LTBP2: variants seen among roughly 807,000 people sequenced by gnomAD.
LTBP2 encodes the protein latent-transforming growth factor beta-binding protein 2.
LTBP2 carries 103 observed loss-of-function variants against 210.6 expected under a neutral mutation model. That is an observed-to-expected ratio of 0.49 (90% CI 0.42 to 0.58). The LOEUF (loss-of-function observed/expected upper bound fraction) is 0.58, where lower values mean the gene tolerates loss of function less well. Ranked by LOEUF, LTBP2 falls within the 20% of genes least tolerant of loss-of-function variation. The pLI is 0.00. For synonymous variants in LTBP2, 1,007 were observed against 1,015.0 expected, an observed-to-expected ratio of 0.99 and a Z score of 0.15; for missense variants, 2,313 against 2,494.5, an observed-to-expected ratio of 0.93 and a Z score of 1.55.
At chr14:74,582,393 T>TACACAC (rs1491144261) in intron 3 of LTBP2, among the ~76,000 whole-genome samples, 5 of 87,602 alleles carry the variant, frequency 5.7e-5, no homozygotes, top group African/African-American at 2.4e-4. Context: ...CACACACACA[T>TACACAC]ACATACACAC....
At chr14:74,502,575 T>C (rs1395310502) in intron 34 of LTBP2, 78 bp downstream of exon 34, 4 of 1,595,718 alleles carry the variant, frequency 2.5e-6, no homozygotes, top group Non-Finnish European at 2.6e-6. Flanking sequence ...CTGCTGGCAA[T>C]ATGACTAGCA....
chr14:74,579,043 G>T (rs551628181), intron 3 of LTBP2, among the ~76,000 whole-genome samples: 1 of 152,206 alleles, frequency 6.6e-6, no homozygotes, highest in African/African-American at 2.4e-5. Flanking sequence ...TTTTAGTAGA[G>T]ACGGGGTTTC....
intron 3 of LTBP2, among the ~76,000 whole-genome samples, chr14:74,571,213 T>A (rs1203603291): frequency 6.6e-6 from 1 of 152,054 alleles, no homozygotes. Flanking sequence ...GCACCTGTAA[T>A]TCCCCAGTTA....
chr14:74,509,099 A>ACAAG (rs1179166303), intron 22 of LTBP2, 139 bp downstream of exon 22: 34 of 1,563,868 alleles, frequency 2.2e-5, no homozygotes, highest in South Asian at 5.6e-5. Flanking sequence ...CACAGCTGGG[A>ACAAG]CAAGCTTGTG....
At chr14:74,595,309 A>G (rs1342495430) in intron 2 of LTBP2, among the ~76,000 whole-genome samples, 1 of 152,156 alleles carries the variant, frequency 6.6e-6, no homozygotes, top group Admixed American at 6.5e-5. Context: ...AGCAGCCCCA[A>G]TCCCACCGGC....
At chr14:74,514,844 C>T (rs1353953906) in intron 18 of LTBP2, among the ~76,000 whole-genome samples, 1 of 152,036 alleles carries the variant, frequency 6.6e-6, no homozygotes, top group African/African-American at 2.4e-5. Flanking sequence ...GGGTGATGGG[C>T]CGGGCTTGTG....
chr14:74,500,756 G>A lies in LTBP2; in HGVS notation c.*128C>T, dbSNP rs1044391124. 3.1e-6 allele frequency: 4 copies of A among 1,273,648 alleles called. No homozygotes were observed. Among genetic ancestry groups the A allele is most frequent in the African/African-American group, 2.9e-5 (2 of 68,264 alleles). 78.9% of individuals were successfully genotyped at this position (1,273,648 alleles called of 1,614,324 possible). On this transcript the variant is annotated 3_prime_UTR_variant, in exon 36 of 36. Coordinates refer to ENST00000261978, the MANE Select transcript of LTBP2 (RefSeq NM_000428.3). ...AGAGGCTAAGCTGGGAGAGATGAAAGCAGGCAAGGCTGATTGGAAACCTCT... is the reference window on the plus strand; with the variant it reads ...AGAGGCTAAGCTGGGAGAGATGAAAACAGGCAAGGCTGATTGGAAACCTCT...
At chr14:74,584,279 G>A (rs913107883) in intron 3 of LTBP2, among the ~76,000 whole-genome samples, 1 of 152,138 alleles carries the variant, frequency 6.6e-6, no homozygotes, top group Non-Finnish European at 1.5e-5. Flanking sequence ...GACTTCAAAC[G>A]GCTCTGACTC....
At chr14:74,536,099 C>T (rs971892515) in intron 8 of LTBP2, 99 bp from the exon 9 acceptor site, 27 of 1,022,182 alleles carry the variant, frequency 2.6e-5, no homozygotes, top group Middle Eastern at 2.1e-4. Flanking sequence ...CCAGCCCACC[C>T]GGCAGCAGTG....
chr14:74,582,974 A>G (rs1273416924), intron 3 of LTBP2, among the ~76,000 whole-genome samples: 1 of 152,140 alleles, frequency 6.6e-6, no homozygotes, highest in South Asian at 2.1e-4. Context: ...TGAGGCAGGT[A>G]CTCTGCCCAG....
chr14:74,571,897 CT>C (rs2087983571), intron 3 of LTBP2, among the ~76,000 whole-genome samples: 1 of 151,186 alleles, frequency 6.6e-6, no homozygotes, highest in African/African-American at 2.4e-5. Flanking sequence ...GATTTTTTTT[CT>C]TTTCAAAAAG....
intron 8 of LTBP2, among the ~76,000 whole-genome samples, chr14:74,540,944 A>ATT (rs1555350227): frequency 2.1e-3 from 50 of 24,290 alleles, no homozygotes; most frequent in African/African-American, 4.2e-3. Flanking sequence ...ATATATATAT[A>ATT]TTTTTTATAT....
At chr14:74,506,876 T>A in intron 26 of LTBP2, 53 bp from the exon 27 acceptor site, 1 of 1,334,508 alleles carries the variant, frequency 7.5e-7, no homozygotes, top group Non-Finnish European at 1.0e-6. Context: ...TGTGTGTGTG[T>A]GTGCGCGCGC....
chr14:74,534,514 C>G lies in LTBP2; in HGVS notation c.1864+1412G>C, dbSNP rs1595259320. 2.6e-5 allele frequency among the ~76,000 whole-genome samples: 4 copies of G among 152,248 alleles called. No homozygotes were observed. In the South Asian group the frequency reaches 8.3e-4, roughly 32 times the overall value. ...CTTAGGTATCACCTTTTCCAGGGAGCCTTCCCTGATCCTTCCAGTCTGGGA... is the reference window on the plus strand; with the variant it reads ...CTTAGGTATCACCTTTTCCAGGGAGGCTTCCCTGATCCTTCCAGTCTGGGA... On this transcript the variant is annotated intron_variant, in intron 9 of 35. Transcript: ENST00000261978.
chr14:74,505,427 G>A lies in LTBP2; in HGVS notation c.4178-253C>T, dbSNP rs150144499. On this transcript the variant is annotated intron_variant, in intron 28 of 35. Transcript: ENST00000261978. ...ATTAAGCTATTAAGCAGTGCAGCAGGGATCTGACCCCAGTTCCTCCTCCCC... is the reference window on the plus strand; with the variant it reads ...ATTAAGCTATTAAGCAGTGCAGCAGAGATCTGACCCCAGTTCCTCCTCCCC... 4.3e-3 allele frequency among the ~76,000 whole-genome samples: 658 copies of A among 152,262 alleles called. 4 individuals are homozygous for A. Among genetic ancestry groups the A allele is most frequent in the Middle Eastern group, 0.034 (10 of 294 alleles).
At chr14:74,547,874 C>G (rs2087597727) in intron 8 of LTBP2, among the ~76,000 whole-genome samples, 1 of 152,170 alleles carries the variant, frequency 6.6e-6, no homozygotes, top group Non-Finnish European at 1.5e-5. Flanking sequence ...CCTGGCCCCA[C>G]CTAACCCTTC....
chr14:74,515,163 C>T (rs2087119006), intron 18 of LTBP2, among the ~76,000 whole-genome samples: 1 of 152,016 alleles, frequency 6.6e-6, no homozygotes, highest in African/African-American at 2.4e-5. Context: ...CATTACAGTT[C>T]AATTTCCAGA....
intron 34 of LTBP2, 30 bp downstream of exon 34, chr14:74,502,623 C>T (rs371922006): frequency 6.2e-7 from 1 of 1,613,988 alleles, no homozygotes; most frequent in African/African-American, 1.3e-5. Context: ...TTGGTGCCCA[C>T]CTCTTCCCCA....
rs1007284389 is a variant in LTBP2, at chr14:74,528,787, G to A, written c.2153-89C>T. 24 of 1,537,340 alleles carry A rather than the reference G, an allele frequency of 1.6e-5. No homozygotes were observed. In the South Asian group the frequency reaches 1.9e-4, roughly 12 times the overall value. ...CCTTTCCCTCCCTTTGGGAGACACG[G>A]CAATTGTGGCAGCAAGGAGGGAGGG... On this transcript the variant is annotated intron_variant, in intron 11 of 35. Coordinates refer to ENST00000261978, the MANE Select transcript of LTBP2 (RefSeq NM_000428.3).
Sources: allele counts gnomAD v4.1 joint callset (sites outside exome capture counted in the v4.1 genomes callset), GRCh38; gene constraint gnomAD v4.1.1; transcripts MANE v1.5; gene names NCBI Gene and HGNC (gene_info 2026-07-23, HGNC 2026-07-21).